The following MSRA variants were observed in gnomAD, a reference collection of about 807,000 sequenced individuals.
MSRA encodes mitochondrial peptide methionine sulfoxide reductase.
Under a neutral mutation model 31.3 loss-of-function variants are expected in MSRA, and 54 were observed. The observed-to-expected ratio is 1.73, with a 90% confidence interval of 1.39 to 2.17. The LOEUF (loss-of-function observed/expected upper bound fraction) is 2.17, where lower values mean the gene tolerates loss of function less well. MSRA is among the 30% of genes most tolerant of loss of function. The pLI, the probability that MSRA is intolerant of heterozygous loss-of-function variation, is 0.00. For synonymous variants in MSRA, 169 were observed against 116.5 expected (o/e 1.45, Z -2.90); for missense variants, 507 against 300.9 (o/e 1.69, Z -5.07).
intron 5 of MSRA, chr8:10,411,279 T>C (rs1808142980): frequency 1.3e-5 from 2 of 152,296 alleles, no homozygotes; most frequent in East Asian, 3.9e-4. Context: ...AAACAGCCTT[T>C]TGTGGGCCGT....
chr8:10,169,329 G>A (rs1020130903), intron 1 of MSRA, among the ~76,000 whole-genome samples: 4 of 152,156 alleles, frequency 2.6e-5, no homozygotes, highest in African/African-American at 7.2e-5. Context: ...GGGAAGTTTC[G>A]CAGGAAGGGG....
chr8:10,317,985 C>G (rs181420984), intron 4 of MSRA, among the ~76,000 whole-genome samples: 1 of 152,192 alleles, frequency 6.6e-6, no homozygotes, highest in African/African-American at 2.4e-5. Context: ...GGCCCCTTGT[C>G]AGACCTTGTC....
At chr8:10,189,177 A>G (rs534568827) in intron 1 of MSRA, among the ~76,000 whole-genome samples, 1 of 152,328 alleles carries the variant, frequency 6.6e-6, no homozygotes, top group Non-Finnish European at 1.5e-5. Flanking sequence ...TGTTGCTACT[A>G]TGTAAAATTA....
intron 5 of MSRA, among the ~76,000 whole-genome samples, chr8:10,367,997 C>T (rs887785654): frequency 6.6e-6 from 1 of 152,154 alleles, no homozygotes; most frequent in African/African-American, 2.4e-5. Flanking sequence ...AATGCTAGCC[C>T]ATCAGGAAGG....
chr8:10,060,357 C>G (rs143131943), intron 1 of MSRA, among the ~76,000 whole-genome samples: 55 of 152,212 alleles, frequency 3.6e-4, no homozygotes, highest in African/African-American at 1.3e-3. Context: ...AGCAAGGTCT[C>G]AACAGTGTAT....
intron 1 of MSRA, among the ~76,000 whole-genome samples, chr8:10,081,715 C>T (rs770567195): frequency 6.6e-6 from 1 of 152,214 alleles, no homozygotes; most frequent in African/African-American, 2.4e-5. Context: ...GTCTCAAACT[C>T]CTGACCTCAG....
Position 10,191,767 on chromosome 8 carries a change from G to C in MSRA, c.143-16066G>C, listed in dbSNP as rs144621277. Reference sequence around the variant, plus strand: ...GCATTATAAAGATGTTTTTTTTTTTGGCTTATGTCATTAGTTTTCCTTTGG... The same window carrying C: ...GCATTATAAAGATGTTTTTTTTTTTCGCTTATGTCATTAGTTTTCCTTTGG... On this transcript the variant is annotated intron_variant, in intron 1 of 5. Coordinates refer to ENST00000317173, the MANE Select transcript of MSRA (RefSeq NM_012331.5). 4.7e-5 allele frequency among the ~76,000 whole-genome samples: 7 copies of C among 148,506 alleles called. No homozygotes were observed. In the East Asian group the frequency reaches 1.4e-3, roughly 29 times the overall value.
intron 1 of MSRA, among the ~76,000 whole-genome samples, chr8:10,189,488 G>T (rs1199180173): frequency 1.3e-5 from 2 of 152,074 alleles, no homozygotes; most frequent in Admixed American, 6.6e-5. Flanking sequence ...CTTTTTAGTA[G>T]ATTTTTTTTA....
chr8:10,420,808 A>G (rs144278527), intron 5 of MSRA, among the ~76,000 whole-genome samples: 60 of 152,330 alleles, frequency 3.9e-4, no homozygotes, highest in African/African-American at 1.4e-3. Context: ...TAGTTGTACA[A>G]CAATGTGAAT....
At chr8:10,215,011 A>T (rs1809863580) in intron 2 of MSRA, among the ~76,000 whole-genome samples, 1 of 152,184 alleles carries the variant, frequency 6.6e-6, no homozygotes, top group African/African-American at 2.4e-5. Flanking sequence ...GAAAAGAACA[A>T]ATTATGGAGT....
At chr8:10,106,258 G>A (rs1799874256) in intron 1 of MSRA, among the ~76,000 whole-genome samples, 1 of 152,172 alleles carries the variant, frequency 6.6e-6, no homozygotes, top group African/African-American at 2.4e-5. Context: ...GTCAATTCCA[G>A]TTGGCCTTAT....
intron 5 of MSRA, among the ~76,000 whole-genome samples, chr8:10,343,270 G>C (rs553757476): frequency 6.6e-6 from 1 of 152,150 alleles, no homozygotes; most frequent in African/African-American, 2.4e-5. Context: ...GTCTCTATCT[G>C]CCTTCACAAC....
intron 1 of MSRA, among the ~76,000 whole-genome samples, chr8:10,138,904 A>C (rs1802485811): frequency 6.6e-6 from 1 of 152,216 alleles, no homozygotes; most frequent in African/African-American, 2.4e-5. Context: ...AGAGCTAGCT[A>C]CCAGAAACAG....
intron 1 of MSRA, among the ~76,000 whole-genome samples, chr8:10,103,689 A>G (rs966976574): frequency 1.3e-5 from 2 of 152,136 alleles, no homozygotes; most frequent in Non-Finnish European, 2.9e-5. Context: ...GTTTATTCCA[A>G]TAGACTGTTT....
At chr8:10,358,023 A>T (rs1563390182) in intron 5 of MSRA, among the ~76,000 whole-genome samples, 1 of 152,194 alleles carries the variant, frequency 6.6e-6, no homozygotes, top group African/African-American at 2.4e-5. Context: ...CCTGGGTCCA[A>T]GCAATTCTCT....
Position 10,339,556 on chromosome 8 carries a change from T to TTCC in MSRA, c.543+19569_543+19570insCTC, listed in dbSNP as rs1803283552. Reference sequence around the variant, plus strand: ...CTTTTTTTTTTTTTTTTTTTTTTTTTTCTGAGACGGAATCTCGTTCTGTCG... The same window carrying TTCC: ...CTTTTTTTTTTTTTTTTTTTTTTTTTTCCTCTGAGACGGAATCTCGTTCTGTCG... On this transcript the variant is annotated intron_variant, in intron 5 of 5. Transcript: ENST00000317173. Among the ~76,000 whole-genome samples the TTCC allele has an allele frequency of 4.0e-5, 4 of 100,726 alleles. No individual in the cohort carries two copies. The South Asian group carries it at 1.2e-3, about 31-fold the overall frequency. 66.1% of individuals were successfully genotyped at this position (100,726 alleles called of 152,430 possible).
intron 1 of MSRA, among the ~76,000 whole-genome samples, chr8:10,170,066 A>G (rs1003859332): frequency 6.4e-5 from 5 of 77,878 alleles, no homozygotes; most frequent in African/African-American, 1.6e-4. Context: ...TTTTTTTTTT[A>G]AGTAGAGACA....
At chr8:10,237,018 A>C (rs1240205085) in intron 2 of MSRA, among the ~76,000 whole-genome samples, 2 of 152,228 alleles carry the variant, frequency 1.3e-5, no homozygotes, top group South Asian at 2.1e-4. Flanking sequence ...TGATAGTACA[A>C]ACACTCACTG....
At chr8:10,395,617 A>G (rs1006889337) in intron 5 of MSRA, among the ~76,000 whole-genome samples, 10 of 152,230 alleles carry the variant, frequency 6.6e-5, no homozygotes, top group Admixed American at 6.5e-4. Context: ...TGAATGAGTC[A>G]TCTCAGCTTG....
Sources: gnomAD v4.1 joint callset for allele counts (sites outside exome capture counted in the v4.1 genomes callset) on GRCh38, gnomAD v4.1.1 for gene constraint, MANE v1.5 for transcripts, NCBI Gene and HGNC (gene_info 2026-07-23, HGNC 2026-07-21) for gene names.